GUCY1A2: variants seen among roughly 807,000 people sequenced by gnomAD.
The protein encoded by GUCY1A2 is guanylate cyclase 1 soluble subunit alpha 2.
A neutral mutation model predicts 63.5 loss-of-function variants in GUCY1A2; 27 were observed. The observed-to-expected ratio is 0.43, with a 90% confidence interval of 0.31 to 0.59. The LOEUF (loss-of-function observed/expected upper bound fraction) is 0.59, where lower values mean the gene tolerates loss of function less well. GUCY1A2 is among the 20% of genes least tolerant of loss of function. GUCY1A2 has a pLI of 0.11. For missense variants in GUCY1A2, 768 were observed against 913.3 expected (o/e 0.84, Z 2.05); for synonymous variants, 364 against 343.5 (o/e 1.06, Z -0.66).
rs1030641201 is a variant in GUCY1A2, at chr11:106,677,478, A to C, written c.*10071T>G. 5 of 207,560 alleles carry C rather than the reference A, an allele frequency of 2.4e-5. No homozygotes were observed. The highest frequency in any genetic ancestry group is 2.0e-5 in the Non-Finnish European group (2 of 101,714). The allele number at this position is 207,560 out of a possible 1,614,324, so 12.9% of individuals were successfully genotyped here. Reference sequence around the variant, plus strand: ...AATATTGATTGAAGACATAAAACCAAATTTTCCCAGCAGATAATAAATTCT... The same window carrying C: ...AATATTGATTGAAGACATAAAACCACATTTTCCCAGCAGATAATAAATTCT... On this transcript the variant is annotated 3_prime_UTR_variant, in exon 8 of 8. Transcript: ENST00000526355.
intron 4 of GUCY1A2, among the ~76,000 whole-genome samples, chr11:106,887,244 C>T (rs937401383): frequency 6.6e-6 from 1 of 152,054 alleles, no homozygotes; most frequent in South Asian, 2.1e-4. Context: ...TCAAAACCTG[C>T]CACCACCCAA....
At chr11:106,960,481 A>G (rs1861044941) in intron 3 of GUCY1A2, among the ~76,000 whole-genome samples, 1 of 152,226 alleles carries the variant, frequency 6.6e-6, no homozygotes, top group South Asian at 2.1e-4. Context: ...TAATTTGTGC[A>G]GCACTCTACT....
intron 5 of GUCY1A2, among the ~76,000 whole-genome samples, chr11:106,798,594 G>A (rs929266447): frequency 1.3e-5 from 2 of 152,294 alleles, no homozygotes; most frequent in Admixed American, 6.5e-5. Context: ...TCCCTGGGAT[G>A]CAAGGCTGGC....
At chr11:106,768,657 A>G (rs1864203883) in intron 6 of GUCY1A2, among the ~76,000 whole-genome samples, 1 of 152,178 alleles carries the variant, frequency 6.6e-6, no homozygotes, top group Non-Finnish European at 1.5e-5. Flanking sequence ...AGCAGGTTAT[A>G]TCATTTGAAT....
At chr11:106,884,826 T>C (rs992552118) in intron 4 of GUCY1A2, among the ~76,000 whole-genome samples, 3 of 152,116 alleles carry the variant, frequency 2.0e-5, no homozygotes, top group Non-Finnish European at 4.4e-5. Context: ...TAACCCTTCA[T>C]TAGTGGTCAA....
chr11:106,701,724 A>G (rs1004212856), intron 7 of GUCY1A2, among the ~76,000 whole-genome samples: 2 of 152,138 alleles, frequency 1.3e-5, no homozygotes, highest in African/African-American at 4.8e-5. Flanking sequence ...CTTGGGGTGA[A>G]TAGGGTTAAT....
At chr11:106,875,926 ATGG>A (rs146374683) in intron 4 of GUCY1A2, among the ~76,000 whole-genome samples, 5,605 of 152,096 alleles carry the variant, frequency 0.037, 164 homozygotes, top group African/African-American at 0.085. Flanking sequence ...TGAGGACACC[ATGG>A]TCTTTGGACC....
chr11:106,768,760 G>C (rs1276807443), intron 6 of GUCY1A2, among the ~76,000 whole-genome samples: 1 of 152,132 alleles, frequency 6.6e-6, no homozygotes, highest in Non-Finnish European at 1.5e-5. Flanking sequence ...TAAACTTGGT[G>C]GTGCTTTTAT....
intron 4 of GUCY1A2, among the ~76,000 whole-genome samples, chr11:106,835,886 G>A (rs1859110720): frequency 6.6e-6 from 1 of 151,716 alleles, no homozygotes; most frequent in South Asian, 2.1e-4. Context: ...AAAGAAAAAT[G>A]AACCCAGAAT....
rs569735397 is a variant in GUCY1A2 at position 106,827,978 on chromosome 11, A to G, written c.1207-17500T>C. The G allele has an allele frequency of 5.7e-4, 458 of 797,238 alleles. 3 individuals carry two copies. Among genetic ancestry groups the G allele is most frequent in the Middle Eastern group, 3.9e-3 (11 of 2,850 alleles). The allele number at this position is 797,238 out of a possible 1,614,324, so 49.4% of individuals were successfully genotyped here. ...GAGAGGAAGCAGCCGCGAGGCGGTC[A>G]CTTCCGGTGCCTTATCCAGAGAATC... On this transcript the variant is annotated intron_variant, in intron 4 of 7. Coordinates refer to ENST00000526355, the MANE Select transcript of GUCY1A2 (RefSeq NM_000855.3).
At chr11:106,738,802 G>T (rs1863636542) in intron 6 of GUCY1A2, among the ~76,000 whole-genome samples, 1 of 152,156 alleles carries the variant, frequency 6.6e-6, no homozygotes, top group Non-Finnish European at 1.5e-5. Context: ...TAGCCTTGTA[G>T]TATTGTTTGA....
chr11:106,846,123 A>G (rs751160963), intron 4 of GUCY1A2, among the ~76,000 whole-genome samples: 32 of 151,804 alleles, frequency 2.1e-4, no homozygotes, highest in Non-Finnish European at 3.5e-4. Flanking sequence ...CATGAAAACT[A>G]AATGCAATGT....
chr11:106,906,547 A>G (rs547546252), intron 4 of GUCY1A2, among the ~76,000 whole-genome samples: 2 of 152,156 alleles, frequency 1.3e-5, no homozygotes, highest in African/African-American at 4.8e-5. Flanking sequence ...AAGGATCTAG[A>G]ACCAGAAATA....
intron 6 of GUCY1A2, among the ~76,000 whole-genome samples, chr11:106,762,683 C>T (rs1007502708): frequency 3.3e-5 from 5 of 152,030 alleles, no homozygotes; most frequent in African/African-American, 1.2e-4. Flanking sequence ...TAATATTTTA[C>T]ATTTCCAGTT....
intron 3 of GUCY1A2, among the ~76,000 whole-genome samples, chr11:106,974,996 G>A (rs1274986681): frequency 6.6e-6 from 1 of 152,010 alleles, no homozygotes; most frequent in Non-Finnish European, 1.5e-5. Context: ...ACTACTGTGG[G>A]AAGTCTTTTT....
At chr11:106,836,158 TG>T (rs1859114582) in intron 4 of GUCY1A2, among the ~76,000 whole-genome samples, 1 of 151,968 alleles carries the variant, frequency 6.6e-6, no homozygotes, top group Non-Finnish European at 1.5e-5. Context: ...ACATGGGGAT[TG>T]GGAGCGCTGG....
At chr11:106,762,930 G>C (rs971825012) in intron 6 of GUCY1A2, among the ~76,000 whole-genome samples, 1 of 151,924 alleles carries the variant, frequency 6.6e-6, no homozygotes, top group Non-Finnish European at 1.5e-5. Context: ...TTTTTATTCT[G>C]TGCAGTTGTA....
chr11:106,894,300 G>A (rs1860016089), intron 4 of GUCY1A2, among the ~76,000 whole-genome samples: 1 of 152,182 alleles, frequency 6.6e-6, no homozygotes, highest in African/African-American at 2.4e-5. Flanking sequence ...CAAAACACAT[G>A]AGACAAAAAC....
intron 7 of GUCY1A2, among the ~76,000 whole-genome samples, chr11:106,699,643 C>T (rs973733181): frequency 6.6e-6 from 1 of 152,146 alleles, no homozygotes; most frequent in African/African-American, 2.4e-5. Context: ...ACCAAGCTTT[C>T]CCTTCATACT....
Sources: allele counts gnomAD v4.1 joint callset (sites outside exome capture counted in the v4.1 genomes callset), GRCh38; gene constraint gnomAD v4.1.1; transcripts MANE v1.5; gene names NCBI Gene and HGNC (gene_info 2026-07-23, HGNC 2026-07-21).